Variants in RYR2 observed in about 807,000 individuals in gnomAD.
RYR2 encodes the protein cardiac muscle ryanodine receptor-calcium release channel.
A neutral mutation model predicts 601.1 loss-of-function variants in RYR2; 227 were observed. That is an observed-to-expected ratio of 0.38 (90% CI 0.34 to 0.42). RYR2 has a LOEUF of 0.42. Ranked by LOEUF, RYR2 falls within the 10% of genes least tolerant of loss-of-function variation. The probability of loss-of-function intolerance (pLI) is 1.00; values close to 1 mark genes in which losing one functional copy is unlikely to be tolerated. For synonymous variants in RYR2, 2,223 were observed against 2,175.1 expected (o/e 1.02, Z -0.61); for missense variants, 4,646 against 6,156.5 (o/e 0.75, Z 8.21).
chr1:237,608,061 G>T (rs1339800633), intron 35 of RYR2, among the ~76,000 whole-genome samples: 1 of 152,138 alleles, frequency 6.6e-6, no homozygotes, highest in African/African-American at 2.4e-5. Context: ...CTATGCTGGA[G>T]ATTAAAATTT....
intron 101 of RYR2, among the ~76,000 whole-genome samples, chr1:237,824,977 AAGG>A (rs1662930599): frequency 6.6e-6 from 1 of 152,230 alleles, no homozygotes; most frequent in Admixed American, 6.5e-5. Context: ...GGACCTCTTC[AAGG>A]AGAACTACAA....
intron 19 of RYR2, among the ~76,000 whole-genome samples, chr1:237,495,989 G>A (rs781579392): frequency 2.0e-5 from 3 of 152,212 alleles, no homozygotes; most frequent in Non-Finnish European, 2.9e-5. Context: ...CTGATGGAAT[G>A]TTCACAGTGA....
At chr1:237,329,925 G>A (rs1558633432) in intron 2 of RYR2, among the ~76,000 whole-genome samples, 1 of 152,132 alleles carries the variant, frequency 6.6e-6, no homozygotes, top group Admixed American at 6.5e-5. Context: ...ACACAGAACA[G>A]GACCAAGTTA....
At position 237,219,380 on chromosome 1, in the gene RYR2, C is replaced by T. The variant is rs1683545603; in HGVS notation, c.49-51117C>T. Among the ~76,000 whole-genome samples the T allele has an allele frequency of 5.9e-5, 9 of 152,228 alleles. No homozygotes were observed. In the South Asian group the frequency reaches 1.9e-3, roughly 32 times the overall value. Reference sequence around the variant, plus strand: ...GACGGCTGCAGGACTTTCACATATCCCATTCCGACGTGTCAATGTCTGGAG... The same window carrying T: ...GACGGCTGCAGGACTTTCACATATCTCATTCCGACGTGTCAATGTCTGGAG... On this transcript the variant is annotated intron_variant, in intron 1 of 104. Transcript: ENST00000366574.
At chr1:237,485,741 A>G (rs552558592) in intron 17 of RYR2, among the ~76,000 whole-genome samples, 1 of 152,296 alleles carries the variant, frequency 6.6e-6, no homozygotes, top group East Asian at 1.9e-4. Flanking sequence ...ATTCATATGT[A>G]GGTATACATA....
intron 3 of RYR2, among the ~76,000 whole-genome samples, chr1:237,338,687 T>A (rs1430292928): frequency 6.6e-6 from 1 of 152,204 alleles, no homozygotes; most frequent in Non-Finnish European, 1.5e-5. Flanking sequence ...GATCTTCATA[T>A]TTCTTTTACA....
intron 64 of RYR2, among the ~76,000 whole-genome samples, chr1:237,699,459 A>T (rs1174618641): frequency 6.6e-6 from 1 of 152,228 alleles, no homozygotes; most frequent in Admixed American, 6.5e-5. Context: ...AGGTAGACGA[A>T]TTCCCATCTG....
chr1:237,255,643 C>A lies in RYR2; in HGVS notation c.49-14854C>A, dbSNP rs568033473. On this transcript the variant is annotated intron_variant, in intron 1 of 104. Transcript: ENST00000366574. ...GAGGGCAGTTTCAATTTTTTTCACACATTTTGAAATCAAATTTCACTAGAC... is the reference window on the plus strand; with the variant it reads ...GAGGGCAGTTTCAATTTTTTTCACAAATTTTGAAATCAAATTTCACTAGAC... Among the ~76,000 whole-genome samples the A allele has an allele frequency of 6.6e-5, 10 of 152,238 alleles. No homozygotes were observed. In the East Asian group the frequency reaches 1.9e-3, roughly 29 times the overall value.
chr1:237,696,464 G>A lies in RYR2; in HGVS notation c.9068-2501G>A, dbSNP rs1012857746. On this transcript the variant is annotated intron_variant, in intron 63 of 104. Transcript: ENST00000366574. ...GCTGGCTAGTTTCATTGAGACCCACGATGTTTAGAATTAAATGTATGTTTA... is the reference window on the plus strand; with the variant it reads ...GCTGGCTAGTTTCATTGAGACCCACAATGTTTAGAATTAAATGTATGTTTA... Among the ~76,000 whole-genome samples the A allele has an allele frequency of 6.6e-5, 10 of 150,844 alleles. No individual in the cohort carries two copies. In the South Asian group the frequency reaches 1.3e-3, roughly 19 times the overall value.
chr1:237,499,793 AT>A (rs1341082366), intron 20 of RYR2, among the ~76,000 whole-genome samples: 1 of 152,158 alleles, frequency 6.6e-6, no homozygotes, highest in Non-Finnish European at 1.5e-5. Flanking sequence ...CACAAAGTCT[AT>A]TTTTGTCTTT....
rs1009533860 is a variant in RYR2 at position 237,324,250 on chromosome 1, A to G, written c.169-6628A>G. On this transcript the variant is annotated intron_variant, in intron 2 of 104. Transcript: ENST00000366574. ...ATATATAAACATTTTAAAGGATATT[A>G]TTCCCCATCTGGTAAGTGACATTTT... Among the ~76,000 whole-genome samples the G allele has an allele frequency of 2.0e-5, 3 of 152,340 alleles. No individual in the cohort carries two copies. In the East Asian group the frequency reaches 5.8e-4, roughly 29 times the overall value.
intron 1 of RYR2, among the ~76,000 whole-genome samples, chr1:237,263,883 T>TA (rs886879158): frequency 1.3e-5 from 2 of 151,956 alleles, no homozygotes; most frequent in Admixed American, 6.6e-5. Context: ...CAGAAAAATT[T>TA]AAAAAAAGCA....
At chr1:237,092,411 G>A (rs945048100) in intron 1 of RYR2, among the ~76,000 whole-genome samples, 1 of 151,822 alleles carries the variant, frequency 6.6e-6, no homozygotes, top group Non-Finnish European at 1.5e-5. Context: ...GTGACTGTCT[G>A]TGCTATTCTG....
At chr1:237,629,718 A>G (rs1680054596) in intron 41 of RYR2, among the ~76,000 whole-genome samples, 2 of 152,298 alleles carry the variant, frequency 1.3e-5, no homozygotes, top group African/African-American at 2.4e-5. Flanking sequence ...ACAGAACTCA[A>G]ATACAATCCT....
rs535367929 is a variant in RYR2 at position 237,416,916 on chromosome 1, C to CA, written c.774-127dup. Reference sequence around the variant, plus strand: ...TATTTCCAGCTATACTGTCTCCTGCCAAAAAAGTATAACTTTAACTGTTTA... The same window carrying CA: ...TATTTCCAGCTATACTGTCTCCTGCCAAAAAAAGTATAACTTTAACTGTTTA... On this transcript the variant is annotated intron_variant, in intron 10 of 104. Coordinates refer to ENST00000366574, the MANE Select transcript of RYR2 (RefSeq NM_001035.3). 96 of 731,456 alleles carry CA rather than the reference C, an allele frequency of 1.3e-4. No homozygotes were observed. In the African/African-American group the frequency reaches 1.5e-3, roughly 12 times the overall value. The allele number at this position is 731,456 out of a possible 1,614,324, so 45.3% of individuals were successfully genotyped here. A position where few individuals can be genotyped will look rare whatever the true frequency, so the allele number is the denominator to read the frequency against.
intron 101 of RYR2, among the ~76,000 whole-genome samples, chr1:237,826,370 G>T (rs781392739): frequency 5.3e-5 from 8 of 152,152 alleles, no homozygotes; most frequent in Admixed American, 2.0e-4. Context: ...TTGCAGGGAC[G>T]TGGATGAAGC....
intron 86 of RYR2, among the ~76,000 whole-genome samples, chr1:237,772,324 T>C (rs1309931332): frequency 6.6e-6 from 1 of 152,186 alleles, no homozygotes; most frequent in South Asian, 2.1e-4. Flanking sequence ...TAAGTAGAGA[T>C]TTTTCGCCTG....
At position 237,111,936 on chromosome 1, in the gene RYR2, C is replaced by T. The variant is rs527311431; in HGVS notation, c.48+69367C>T. On this transcript the variant is annotated intron_variant, in intron 1 of 104. Coordinates refer to ENST00000366574, the MANE Select transcript of RYR2 (RefSeq NM_001035.3). ...ACTGTAAGCCCTTGGAAAGCAGGTA[C>T]CTTGTCTGTTTGGCACCCCAGTGGC... Among the ~76,000 whole-genome samples the T allele has an allele frequency of 3.4e-4, 51 of 152,232 alleles. 1 individual carries two copies. The highest frequency in any genetic ancestry group is 6.6e-4 in the Non-Finnish European group (45 of 68,026).
At chr1:237,219,238 G>C (rs187715357) in intron 1 of RYR2, among the ~76,000 whole-genome samples, 1 of 151,830 alleles carries the variant, frequency 6.6e-6, no homozygotes, top group Non-Finnish European at 1.5e-5. Flanking sequence ...GGCTGGTCTC[G>C]AACTCCTGAC....
Sources: allele counts gnomAD v4.1 joint callset (sites outside exome capture counted in the v4.1 genomes callset), GRCh38; gene constraint gnomAD v4.1.1; transcripts MANE v1.5; gene names NCBI Gene and HGNC (gene_info 2026-07-23, HGNC 2026-07-21).